Variants in RGS9 observed in about 807,000 individuals in gnomAD.
RGS9 encodes regulator of G-protein signalling 9.
RGS9 carries 78 observed loss-of-function variants against 102.0 expected under a neutral mutation model. The observed-to-expected ratio is 0.76, with a 90% CI of 0.64 to 0.92. The LOEUF is 0.92. RGS9 is among the 40% of genes least tolerant of loss of function. The probability of loss-of-function intolerance (pLI) is 0.00; values close to 1 mark genes in which losing one functional copy is unlikely to be tolerated. For synonymous variants in RGS9, 353 were observed against 318.6 expected, an observed-to-expected ratio of 1.11 and a Z score of -1.15; for missense variants, 833 against 866.1, an observed-to-expected ratio of 0.96 and a Z score of 0.48.
At chr17:65,150,052 G>A (rs8082449) in intron 1 of RGS9, among the ~76,000 whole-genome samples, 3,510 of 152,252 alleles carry the variant, frequency 0.023, 132 homozygotes, top group African/African-American at 0.079. Context: ...TAAATGGAGG[G>A]GAAGCAGGTA....
At chr17:65,176,864 G>A (rs1364465453) in intron 8 of RGS9, among the ~76,000 whole-genome samples, 1 of 148,966 alleles carries the variant, frequency 6.7e-6, no homozygotes, top group African/African-American at 2.5e-5. Context: ...CCACTATGGT[G>A]CTGAGTTTGC....
chr17:65,206,206 A>C (rs1476993765), intron 15 of RGS9, among the ~76,000 whole-genome samples: 1 of 152,142 alleles, frequency 6.6e-6, no homozygotes, highest in African/African-American at 2.4e-5. Context: ...AAAGCATGTA[A>C]TAATTTAGAA....
chr17:65,163,099 A>C lies in RGS9; in HGVS notation c.500+10A>C. On this transcript the variant is annotated intron_variant, in intron 7 of 18. Transcript: ENST00000262406. The stretch of plus-strand genomic sequence containing the variant: ...CCAAAGAGCAGTACAGGTGAGTGAA[A>C]GGAGACCATGCTTGTCCTCTCGGTG... 1.3e-6 allele frequency: 2 copies of C among 1,502,876 alleles called. No homozygotes were observed. Among genetic ancestry groups the C allele is most frequent in the Non-Finnish European group, 1.9e-6 (2 of 1,080,252 alleles). 93.1% of individuals were successfully genotyped at this position (1,502,876 alleles called of 1,614,324 possible). A position where few individuals can be genotyped will look rare whatever the true frequency, so the allele number is the denominator to read the frequency against.
At chr17:65,222,579 G>T (rs117987987) in intron 17 of RGS9, among the ~76,000 whole-genome samples, 140 of 152,256 alleles carry the variant, frequency 9.2e-4, no homozygotes, top group African/African-American at 3.3e-3. Flanking sequence ...GATAAGCAAA[G>T]TACCTAGCAT....
At chr17:65,199,504 T>G (rs1453997345) in intron 13 of RGS9, among the ~76,000 whole-genome samples, 1 of 147,596 alleles carries the variant, frequency 6.8e-6, no homozygotes, top group East Asian at 1.9e-4. Flanking sequence ...TTTTTTTTTT[T>G]TTTTTTTTTG....
At chr17:65,148,403 T>A (rs2143963582) in intron 1 of RGS9, among the ~76,000 whole-genome samples, 1 of 152,362 alleles carries the variant, frequency 6.6e-6, no homozygotes, top group East Asian at 1.9e-4. Flanking sequence ...TTCCAGAGCC[T>A]GATTTCAATT....
intron 17 of RGS9, among the ~76,000 whole-genome samples, chr17:65,221,197 G>C (rs1428024854): frequency 2.0e-5 from 3 of 152,204 alleles, no homozygotes; most frequent in Non-Finnish European, 4.4e-5. Flanking sequence ...TCCCAGAAAA[G>C]AGAAGATGCT....
chr17:65,170,976 G>A (rs1911394927), intron 8 of RGS9, among the ~76,000 whole-genome samples: 1 of 152,124 alleles, frequency 6.6e-6, no homozygotes, highest in Non-Finnish European at 1.5e-5. Context: ...ACAGGCTCAG[G>A]AAGCCCCGGA....
intron 8 of RGS9, among the ~76,000 whole-genome samples, chr17:65,172,828 C>T (rs1379642238): frequency 6.6e-6 from 1 of 152,188 alleles, no homozygotes; most frequent in Non-Finnish European, 1.5e-5. Flanking sequence ...GAGTGACATT[C>T]AAGCCAAGAT....
intron 1 of RGS9, among the ~76,000 whole-genome samples, chr17:65,149,119 G>A (rs1910482098): frequency 7.0e-6 from 1 of 141,866 alleles, no homozygotes; most frequent in African/African-American, 3.0e-5. Context: ...CCGCCACCAT[G>A]CCCGGCTAGT....
At position 65,196,890 on chromosome 17, in the gene RGS9, G is replaced by A. The variant is rs533822655; in HGVS notation, c.861-236G>A. On this transcript the variant is annotated intron_variant, in intron 12 of 18. Coordinates refer to ENST00000262406, the MANE Select transcript of RGS9 (RefSeq NM_003835.4). The stretch of plus-strand genomic sequence containing the variant: ...CAGGACCTGAGTGTGGGCTCCCCAC[G>A]GTGGGCATCCTCCTCACCTCTGGGA... 1.4e-3 allele frequency among the ~76,000 whole-genome samples: 209 copies of A among 152,336 alleles called. 1 individual carries two copies. Among genetic ancestry groups the A allele is most frequent in the Admixed American group, 8.1e-3 (124 of 15,308 alleles).
intron 15 of RGS9, among the ~76,000 whole-genome samples, chr17:65,206,994 G>T (rs1913087724): frequency 6.6e-6 from 1 of 152,216 alleles, no homozygotes; most frequent in Non-Finnish European, 1.5e-5. Context: ...CTGGTTTGTT[G>T]CAGTGGCCTT....
intron 1 of RGS9, among the ~76,000 whole-genome samples, chr17:65,138,996 C>CAGCATCCCCTCCTCCACCCA (rs1910029121): frequency 8.2e-5 from 1 of 12,230 alleles, no homozygotes; most frequent in African/African-American, 1.1e-4. Flanking sequence ...TCCTCCACCC[C>CAGCATCCCCTCCTCCACCCA]AGCATCCCCT....
At chr17:65,221,112 A>G (rs527392125) in intron 17 of RGS9, among the ~76,000 whole-genome samples, 1 of 152,350 alleles carries the variant, frequency 6.6e-6, no homozygotes, top group Non-Finnish European at 1.5e-5. Context: ...CAGTAAAGCT[A>G]ATGGTCATTT....
intron 6 of RGS9, among the ~76,000 whole-genome samples, chr17:65,162,598 G>A (rs1389250680): frequency 6.6e-6 from 1 of 151,626 alleles, no homozygotes; most frequent in African/African-American, 2.4e-5. Flanking sequence ...GAGTTGCTGG[G>A]ACTACAGGCA....
At chr17:65,215,593 A>T (rs1171596325) in intron 17 of RGS9, among the ~76,000 whole-genome samples, 1 of 115,706 alleles carries the variant, frequency 8.6e-6, no homozygotes, top group African/African-American at 4.8e-5. Context: ...CAGTGGCACC[A>T]TCCTGGCTCA....
Position 65,225,190 on chromosome 17 carries a change from C to T in RGS9, c.1596C>T (p.Ser532=). The change falls in exon 18 of 19, where the codon AGC becomes AGT. Residue 532 remains serine, a synonymous_variant. Transcript: ENST00000262406. The part of the protein sequence containing the change: ...CPSPIRVALE[S]SSGLEQKGEC... ...CACCCATCAGAGTGGCCTTGGAGAGCTCATCGGGCTTGGAGCAGAAAGGGG... is the reference window on the plus strand; with the variant it reads ...CACCCATCAGAGTGGCCTTGGAGAGTTCATCGGGCTTGGAGCAGAAAGGGG... 1 of 1,613,448 alleles carries T rather than the reference C, an allele frequency of 6.2e-7. No individual in the cohort carries two copies. The highest frequency in any genetic ancestry group is 8.5e-7 in the Non-Finnish European group (1 of 1,180,030).
At chr17:65,156,297 A>G (rs925128527) in intron 2 of RGS9, among the ~76,000 whole-genome samples, 2 of 152,196 alleles carry the variant, frequency 1.3e-5, no homozygotes, top group African/African-American at 4.8e-5. Flanking sequence ...TGCCGGGATT[A>G]CAGGCATGAG....
intron 9 of RGS9, among the ~76,000 whole-genome samples, chr17:65,180,897 G>T (rs1390061161): frequency 1.3e-5 from 2 of 152,120 alleles, no homozygotes; most frequent in African/African-American, 4.8e-5. Context: ...GAGCCCATGT[G>T]GTATTTGGTT....
Sources: gnomAD v4.1 joint callset for allele counts (sites outside exome capture counted in the v4.1 genomes callset) on GRCh38, gnomAD v4.1.1 for gene constraint, MANE v1.5 for transcripts, NCBI Gene and HGNC (gene_info 2026-07-23, HGNC 2026-07-21) for gene names.